Variants in RHEBL1 observed in about 807,000 individuals in gnomAD.
RHEBL1 encodes the protein GTPase RhebL1.
A neutral mutation model predicts 27.4 loss-of-function variants in RHEBL1; 22 were observed. The observed-to-expected ratio is 0.80, with a 90% CI of 0.57 to 1.15. The LOEUF is 1.15. Among genes scored for constraint, RHEBL1 ranks in the 50% most tolerant of loss-of-function variants. The pLI is 0.00. For synonymous variants in RHEBL1, 85 were observed against 80.8 expected (o/e 1.05, Z -0.28); for missense variants, 186 against 226.5 (o/e 0.82, Z 1.15).
chr12:49,067,274 A>AC (rs1565839566), intron 2 of RHEBL1, among the ~76,000 whole-genome samples: 1 of 141,264 alleles, frequency 7.1e-6, no homozygotes, highest in African/African-American at 2.6e-5. Context: ...GGCTAATTAC[A>AC]TTTTTTTTTT....
intron 1 of RHEBL1, chr12:49,069,315 C>T: frequency 1.3e-6 from 1 of 768,488 alleles, no homozygotes; most frequent in South Asian, 1.9e-5. Context: ...TTCAGAAGCG[C>T]AGCAGGAAGC....
In RHEBL1 at chr12:49,066,807, G is replaced by A. The variant is rs922612485; in HGVS notation, c.193-106C>T. The A allele has an allele frequency of 9.5e-6, 11 of 1,162,930 alleles. No homozygotes were observed. In the African/African-American group the frequency reaches 1.5e-4, roughly 16 times the overall value. 72.0% of individuals were successfully genotyped at this position (1,162,930 alleles called of 1,614,324 possible). A position where few individuals can be genotyped will look rare whatever the true frequency, so the allele number is the denominator to read the frequency against. The stretch of plus-strand genomic sequence containing the variant: ...CCTCCCTGGGGCACGCCCTACTATA[G>A]TCACTTCAACATGTATTTATGGAAC... On this transcript the variant is annotated intron_variant, in intron 3 of 7. Coordinates refer to ENST00000301068, the MANE Select transcript of RHEBL1 (RefSeq NM_144593.3).
rs1939061805 is a variant in RHEBL1 at position 49,069,876 on chromosome 12, A to G, written c.-91T>C. The G allele has an allele frequency of 8.5e-7, 1 of 1,175,384 alleles. No individual in the cohort carries two copies. The highest frequency in any genetic ancestry group is 1.2e-5 in the South Asian group (1 of 80,850). 72.8% of individuals were successfully genotyped at this position (1,175,384 alleles called of 1,614,324 possible). A position where few individuals can be genotyped will look rare whatever the true frequency, so the allele number is the denominator to read the frequency against. On this transcript the variant is annotated 5_prime_UTR_variant, in exon 1 of 8. Transcript: ENST00000301068. ...TGTGAGCAGGCGCGGCAGCTGGTGCAGGAAAGTCGCTCACCCCGAAGCTGC... is the reference window on the plus strand; with the variant it reads ...TGTGAGCAGGCGCGGCAGCTGGTGCGGGAAAGTCGCTCACCCCGAAGCTGC...
At chr12:49,066,806 A>C in intron 3 of RHEBL1, 105 bp from the exon 4 acceptor site, 1 of 1,158,226 alleles carries the variant, frequency 8.6e-7, no homozygotes, top group African/African-American at 1.5e-5. Context: ...GCCCTACTAT[A>C]GTCACTTCAA....
intron 2 of RHEBL1, 66 bp from the exon 3 acceptor site, chr12:49,067,101 T>A: frequency 4.8e-5 from 8 of 166,494 alleles, no homozygotes; most frequent in Admixed American, 1.1e-4. Flanking sequence ...TCCCCTGACT[T>A]TTTTTTTTTT....
chr12:49,069,120 T>C lies in RHEBL1; in HGVS notation c.53-14A>G. The stretch of plus-strand genomic sequence containing the variant: ...AAGATGTCTTCCCTGTGGGGAGCAG[T>C]GTGACAGTTGTATCCAAATCATCCA... On this transcript the variant is annotated splice_polypyrimidine_tract_variant and intron_variant, in intron 1 of 7. Coordinates refer to ENST00000301068, the MANE Select transcript of RHEBL1 (RefSeq NM_144593.3). 6.2e-7 allele frequency: 1 copy of C among 1,614,118 alleles called. No homozygotes were observed. The highest frequency in any genetic ancestry group is 2.2e-5 in the East Asian group (1 of 44,890).
At chr12:49,068,499 G>A (rs1939035401) in intron 2 of RHEBL1, among the ~76,000 whole-genome samples, 1 of 140,328 alleles carries the variant, frequency 7.1e-6, no homozygotes, top group East Asian at 2.1e-4. Flanking sequence ...GCAGTGGCAC[G>A]ACCTTGGCTC....
rs1342465157 is a variant in RHEBL1 at position 49,069,749 on chromosome 12, C to T, written c.37G>A (p.Gly13Arg). 6.2e-7 allele frequency: 1 copy of T among 1,613,812 alleles called. No individual in the cohort carries two copies. Among genetic ancestry groups the T allele is most frequent in the African/African-American group, 1.3e-5 (1 of 74,898 alleles). Residue 13 changes from glycine (G) to arginine (R), a missense_variant, in exon 1 of 8, where the codon GGA becomes AGA. Physicochemically the swap from Gly to Arg is moderately radical, Grantham distance 125 (BLOSUM62 -2). Coordinates refer to ENST00000301068, the MANE Select transcript of RHEBL1 (RefSeq NM_144593.3). ...LVRYRKVVIL[G>R]YRCVGKTSLA... ...GGAGACTCACCTACACAGCGGTATC[C>T]GAGGATGACCACCTTCCTGTAGCGG...
intron 7 of RHEBL1, 68 bp downstream of exon 7, chr12:49,065,279 CCCA>C: frequency 2.6e-6 from 4 of 1,560,418 alleles, no homozygotes; most frequent in East Asian, 4.5e-5. Context: ...CCGCAACATT[CCCA>C]CCACCAAGCA....
Position 49,065,002 on chromosome 12 carries a change from C to T in RHEBL1, c.*101G>A. On this transcript the variant is annotated 3_prime_UTR_variant, in exon 8 of 8. Coordinates refer to ENST00000301068, the MANE Select transcript of RHEBL1 (RefSeq NM_144593.3). ...ACTGTGTGTCCAGGGGCCAGGAACA[C>T]AGCTGGCAACCATACCCGTGAAGTC... The T allele has an allele frequency of 2.4e-6, 2 of 843,754 alleles. No individual in the cohort carries two copies. Among genetic ancestry groups the T allele is most frequent in the Admixed American group, 3.7e-5 (2 of 54,786 alleles). 52.3% of individuals were successfully genotyped at this position (843,754 alleles called of 1,614,324 possible).
intron 2 of RHEBL1, among the ~76,000 whole-genome samples, chr12:49,067,435 G>A (rs1305456234): frequency 1.3e-5 from 2 of 151,158 alleles, no homozygotes; most frequent in Non-Finnish European, 2.9e-5. Flanking sequence ...GTGCACCTCT[G>A]CACCTGGCTG....
Position 49,065,430 on chromosome 12 carries a change from C to T in RHEBL1, c.382G>A (p.Glu128Lys), listed in dbSNP as rs937947745. 11 of 1,613,816 alleles carry T rather than the reference C, an allele frequency of 6.8e-6. No individual in the cohort carries two copies. In the African/African-American group the frequency reaches 8.0e-5, roughly 12 times the overall value. Residue 128 changes from glutamate (E) to lysine (K), a missense_variant and splice_region_variant, in exon 7 of 8, where the codon GAG becomes AAG. By Grantham distance (56) the Glu-to-Lys change is moderately conservative. Transcript: ENST00000301068. Reference protein sequence around the residue: ...GNKADLSPEREVQAVEGKKLA... With the variant: ...GNKADLSPERKVQAVEGKKLA... ...TTCTTTCCTTCAACTGCCTGTACCT[C>T]TCTGGAAGCAAATTTGGGACATAAA...
At chr12:49,067,159 G>C (rs933169025) in intron 2 of RHEBL1, 124 bp from the exon 3 acceptor site, 98 of 644,308 alleles carry the variant, frequency 1.5e-4, no homozygotes, top group Non-Finnish European at 2.1e-5. Flanking sequence ...CTGGGCTGCA[G>C]TGGCATGATC....
chr12:49,065,196 T>C lies in RHEBL1; in HGVS notation c.463-4A>G, dbSNP rs753101979. ...TGGTGAAGATGCCTTGAGTCAGCTA[T>C]AAGAGGAGAGGATTCAGGGCAAAAG... On this transcript the variant is annotated splice_region_variant and splice_polypyrimidine_tract_variant and intron_variant, in intron 7 of 7. Coordinates refer to ENST00000301068, the MANE Select transcript of RHEBL1 (RefSeq NM_144593.3). 2 of 1,611,854 alleles carry C rather than the reference T, an allele frequency of 1.2e-6. No homozygotes were observed. Among genetic ancestry groups the C allele is most frequent in the South Asian group, 1.1e-5 (1 of 91,050 alleles).
chr12:49,066,119 C>A, intron 6 of RHEBL1, 112 bp downstream of exon 6: 1 of 800,580 alleles, frequency 1.2e-6, no homozygotes. Flanking sequence ...AGGTTAGAGA[C>A]AAAGAGAGGT....
chr12:49,066,992 T>C lies in RHEBL1; in HGVS notation c.168A>G (p.Leu56=), dbSNP rs1565839383. ...CCTGCCCTGCTGTGTCCACCAGATG[T>C]AGGTGAAACTCATCTTTGCCAAGAG... ...IVTLGKDEFH[L]HLVDTAGQDE... is the part of the protein sequence containing the mutation. Residue 56 remains leucine, a synonymous_variant, in exon 3 of 8, where the codon CTA becomes CTG. Transcript: ENST00000301068. The C allele has an allele frequency of 6.2e-7, 1 of 1,613,864 alleles. No individual in the cohort carries two copies. The highest frequency in any genetic ancestry group is 8.5e-7 in the Non-Finnish European group (1 of 1,179,816).
intron 6 of RHEBL1, 45 bp from the exon 7 acceptor site, chr12:49,065,476 G>A: frequency 6.7e-7 from 1 of 1,495,018 alleles, no homozygotes; most frequent in Non-Finnish European, 9.3e-7. Context: ...AGAAATGTCA[G>A]TAAGTGCTCT....
chr12:49,069,072 G>C lies in RHEBL1; in HGVS notation c.87C>G (p.Gly29=), dbSNP rs1287494388. 1 of 1,613,940 alleles carries C rather than the reference G, an allele frequency of 6.2e-7. No homozygotes were observed. Among genetic ancestry groups the C allele is most frequent in the Non-Finnish European group, 8.5e-7 (1 of 1,180,006 alleles). Residue 29 remains glycine (G), a synonymous_variant, in exon 2 of 8, where the codon GGC becomes GGG. Transcript: ENST00000301068. The stretch of plus-strand genomic sequence containing the variant: ...TAGGATCGTAGCCTTCCGAGAACTC[G>C]CCTTCCACAAATTGATGTGCCAAAG... ...KTSLAHQFVE[G]EFSEGYDPTV...
At position 49,066,606 on chromosome 12, in the gene RHEBL1, C is replaced by G; in HGVS notation, c.275+13G>C. On this transcript the variant is annotated intron_variant, in intron 4 of 7. Coordinates refer to ENST00000301068, the MANE Select transcript of RHEBL1 (RefSeq NM_144593.3). ...TTCTCCCAAGTCCCGCACTCACAAC[C>G]TTGGTCACTTACCTATGCAGAGAGG... The G allele has an allele frequency of 6.2e-7, 1 of 1,613,824 alleles. No homozygotes were observed. Among genetic ancestry groups the G allele is most frequent in the African/African-American group, 1.3e-5 (1 of 75,034 alleles).
Sources: gnomAD v4.1 joint callset for allele counts (sites outside exome capture counted in the v4.1 genomes callset) on GRCh38, gnomAD v4.1.1 for gene constraint, MANE v1.5 for transcripts, NCBI Gene and HGNC (gene_info 2026-07-23, HGNC 2026-07-21) for gene names.